MSI2: variants seen among roughly 807,000 people sequenced by gnomAD.
MSI2 encodes musashi RNA binding protein 2.
Under a neutral mutation model 45.6 loss-of-function variants are expected in MSI2, and 17 were observed. The ratio of observed to expected loss-of-function variants is 0.37; its 90% confidence interval spans 0.26 to 0.56. MSI2 has a LOEUF of 0.56. MSI2 is among the 20% of genes least tolerant of loss of function. The pLI is 0.77. For synonymous variants in MSI2, 156 were observed against 158.2 expected, an observed-to-expected ratio of 0.99 and a Z score of 0.11; for missense variants, 293 against 444.2, an observed-to-expected ratio of 0.66 and a Z score of 3.06.
intron 5 of MSI2, among the ~76,000 whole-genome samples, chr17:57,277,358 T>C (rs1366999088): frequency 6.6e-6 from 1 of 152,154 alleles, no homozygotes; most frequent in African/African-American, 2.4e-5. Context: ...GCACCCGGGC[T>C]GGTTTTCTTT....
intron 6 of MSI2, among the ~76,000 whole-genome samples, chr17:57,506,096 G>C (rs146442990): frequency 6.6e-6 from 1 of 152,304 alleles, no homozygotes; most frequent in Non-Finnish European, 1.5e-5. Context: ...AAAGGACAGT[G>C]GGCAAACCTT....
chr17:57,408,027 G>A (rs1014479559), intron 6 of MSI2, among the ~76,000 whole-genome samples: 1 of 152,268 alleles, frequency 6.6e-6, no homozygotes. Context: ...CCTTACCCAT[G>A]AGTAATATGA....
At chr17:57,560,715 A>G (rs1432396763) in intron 7 of MSI2, among the ~76,000 whole-genome samples, 1 of 152,220 alleles carries the variant, frequency 6.6e-6, no homozygotes, top group Non-Finnish European at 1.5e-5. Context: ...TAATGCTGCT[A>G]TTATTAACAA....
intron 11 of MSI2, among the ~76,000 whole-genome samples, chr17:57,659,978 G>T (rs147943201): frequency 6.6e-6 from 1 of 152,154 alleles, no homozygotes; most frequent in African/African-American, 2.4e-5. Flanking sequence ...CTGATTCAAG[G>T]GTGCTTTTGA....
intron 13 of MSI2, 42 bp downstream of exon 13, chr17:57,677,101 T>G: frequency 7.3e-7 from 1 of 1,372,334 alleles, no homozygotes; most frequent in Non-Finnish European, 1.0e-6. Context: ...TGCCGGTGTG[T>G]CCGTACATGT....
At chr17:57,591,148 G>T (rs1288119873) in intron 7 of MSI2, among the ~76,000 whole-genome samples, 1 of 152,138 alleles carries the variant, frequency 6.6e-6, no homozygotes, top group Non-Finnish European at 1.5e-5. Context: ...TGCTGAGTGA[G>T]GATAATTGTG....
intron 8 of MSI2, among the ~76,000 whole-genome samples, chr17:57,613,603 C>T (rs747511820): frequency 1.6e-4 from 24 of 152,138 alleles, no homozygotes; most frequent in African/African-American, 3.9e-4. Flanking sequence ...CAGAAAAATA[C>T]GTGCCAATTT....
intron 5 of MSI2, among the ~76,000 whole-genome samples, chr17:57,299,338 G>A (rs1198556823): frequency 2.0e-5 from 3 of 152,238 alleles, no homozygotes; most frequent in African/African-American, 7.2e-5. Context: ...GCTGTATGGT[G>A]TAAGAGGCCT....
At chr17:57,527,447 C>A (rs1421488827) in intron 6 of MSI2, among the ~76,000 whole-genome samples, 2 of 127,332 alleles carry the variant, frequency 1.6e-5, no homozygotes, top group African/African-American at 5.9e-5. Context: ...GTGTGTGTGG[C>A]CCCAGCAGGT....
intron 7 of MSI2, among the ~76,000 whole-genome samples, chr17:57,592,579 A>G (rs1175944624): frequency 6.6e-6 from 1 of 152,224 alleles, no homozygotes; most frequent in Non-Finnish European, 1.5e-5. Context: ...AAACACTGCA[A>G]ATGAGTCTTG....
At chr17:57,349,303 TTG>T (rs138368241) in intron 5 of MSI2, among the ~76,000 whole-genome samples, 2 of 151,980 alleles carry the variant, frequency 1.3e-5, no homozygotes, top group African/African-American at 4.8e-5. Context: ...GTGTGTGTGT[TTG>T]TGTGTGTGTG....
intron 6 of MSI2, among the ~76,000 whole-genome samples, chr17:57,404,863 C>G (rs1481094087): frequency 3.3e-5 from 5 of 152,042 alleles, no homozygotes. Context: ...CACCTTCCTC[C>G]CAGAAAACAC....
At chr17:57,700,267 C>T in the MSI2 span, among the ~76,000 whole-genome samples, 2 of 152,158 alleles carry the variant, frequency 1.3e-5, no homozygotes, top group African/African-American at 4.8e-5. Flanking sequence ...AATATGCCGG[C>T]TTGTGTAAAG....
At chr17:57,516,017 C>T (rs1250934831) in intron 6 of MSI2, among the ~76,000 whole-genome samples, 1 of 152,122 alleles carries the variant, frequency 6.6e-6, no homozygotes, top group African/African-American at 2.4e-5. Context: ...CTCCCATAAC[C>T]ACAGTACTTT....
intron 6 of MSI2, among the ~76,000 whole-genome samples, chr17:57,440,413 C>CATGTGTGTGTGTGT (rs1491418144): frequency 3.8e-5 from 4 of 104,530 alleles, no homozygotes; most frequent in Non-Finnish European, 7.5e-5. Context: ...GTTTGTTATC[C>CATGTGTGTGTGTGT]GTGTGTGTGT....
In MSI2 at chr17:57,529,562, G is replaced by A. The variant is rs1194923529; in HGVS notation, c.406-114G>A. ...TGCATTTTCAAATATTTTTTGATAAGCAACTATTACTTCTGTAATGGAAAC... is the reference window on the plus strand; with the variant it reads ...TGCATTTTCAAATATTTTTTGATAAACAACTATTACTTCTGTAATGGAAAC... On this transcript the variant is annotated intron_variant, in intron 6 of 13. Coordinates refer to ENST00000284073, the MANE Select transcript of MSI2 (RefSeq NM_138962.4). The surrounding 1 kb of genome is among the most constrained non-coding windows in gnomAD (Gnocchi z 5.3). The A allele has an allele frequency of 8.0e-6, 7 of 878,362 alleles. No homozygotes were observed. Among genetic ancestry groups the A allele is most frequent in the Non-Finnish European group, 1.3e-5 (7 of 557,500 alleles). The allele number at this position is 878,362 out of a possible 1,614,324, so 54.4% of individuals were successfully genotyped here.
Position 57,407,213 on chromosome 17 carries a change from G to A in MSI2, c.405+5742G>A, listed in dbSNP as rs918407615. 1.3e-5 allele frequency among the ~76,000 whole-genome samples: 2 copies of A among 152,126 alleles called. No individual in the cohort carries two copies. Among genetic ancestry groups the A allele is most frequent in the South Asian group, 2.1e-4 (1 of 4,820 alleles). On this transcript the variant is annotated intron_variant, in intron 6 of 13. Transcript: ENST00000284073. This position sits in a 1 kb window ranked among gnomAD's most constrained non-coding sequence, Gnocchi z 4.1. ...AGACCTTCCCGTTTATCCGGCCAGC[G>A]TGGGCGATTGTGGGTGAGTGAGGCC...
At chr17:57,538,574 C>G (rs977305530) in intron 7 of MSI2, among the ~76,000 whole-genome samples, 1 of 152,150 alleles carries the variant, frequency 6.6e-6, no homozygotes, top group Non-Finnish European at 1.5e-5. Context: ...CCCCACTCCC[C>G]GCAAGTGGAG....
chr17:57,285,053 G>A (rs1909751762), intron 5 of MSI2, among the ~76,000 whole-genome samples: 1 of 152,020 alleles, frequency 6.6e-6, no homozygotes, highest in African/African-American at 2.4e-5. Context: ...TCTGTGCATA[G>A]ATTGGCGTCG....
Sources: gnomAD v4.1 joint callset for allele counts (sites outside exome capture counted in the v4.1 genomes callset) on GRCh38, gnomAD v4.1.1 for gene constraint, Gnocchi (gnomAD v3.1) non-coding constraint, MANE v1.5 for transcripts, NCBI Gene and HGNC (gene_info 2026-07-23, HGNC 2026-07-21) for gene names.